The following NPEPPS variants were observed in gnomAD, a reference collection of about 807,000 sequenced individuals.
NPEPPS encodes the protein puromycin-sensitive aminopeptidase.
NPEPPS carries 14 observed loss-of-function variants against 115.5 expected under a neutral mutation model. That is an observed-to-expected ratio of 0.12 (90% CI 0.08 to 0.19). The LOEUF is 0.19. Among genes scored for constraint, NPEPPS ranks in the 10% least tolerant of loss-of-function variants. The probability of loss-of-function intolerance (pLI) is 1.00; values close to 1 mark genes in which losing one functional copy is unlikely to be tolerated. For missense variants in NPEPPS, 523 were observed against 1,110.8 expected (o/e 0.47, Z 7.52); for synonymous variants, 285 against 390.6 (o/e 0.73, Z 3.19).
intron 2 of NPEPPS, among the ~76,000 whole-genome samples, chr17:47,556,980 T>G (rs1158918887): frequency 6.6e-6 from 1 of 152,154 alleles, no homozygotes; most frequent in Non-Finnish European, 1.5e-5. Context: ...TTTTTCAGTT[T>G]TCTTGCTTTT....
At chr17:47,549,130 G>A (rs1468479781) in intron 2 of NPEPPS, among the ~76,000 whole-genome samples, 3 of 151,118 alleles carry the variant, frequency 2.0e-5, no homozygotes, top group Non-Finnish European at 1.5e-5. Context: ...GGATCATGAC[G>A]TCAGAAGTTC....
intron 21 of NPEPPS, 69 bp from the exon 22 acceptor site, chr17:47,619,668 T>G (rs1914420597): frequency 1.6e-6 from 2 of 1,264,322 alleles, no homozygotes; most frequent in East Asian, 4.6e-5. Flanking sequence ...ATGATTTATT[T>G]TTAGGGTAAA....
At chr17:47,581,308 A>G (rs569130267) in intron 4 of NPEPPS, 6 of 152,258 alleles carry the variant, frequency 3.9e-5, no homozygotes, top group South Asian at 2.1e-4. Context: ...GGTGAACCCT[A>G]TTGATTTTTA....
chr17:47,599,824 T>C (rs1913082279), intron 14 of NPEPPS, 85 bp downstream of exon 14: 2 of 1,207,780 alleles, frequency 1.7e-6, no homozygotes, highest in Non-Finnish European at 2.3e-6. Flanking sequence ...TAGGAAATTT[T>C]TCTTTTTTTT....
At chr17:47,604,144 G>A (rs1913389960) in intron 16 of NPEPPS, 95 bp downstream of exon 16, 8 of 1,224,020 alleles carry the variant, frequency 6.5e-6, no homozygotes, top group Non-Finnish European at 9.1e-6. Flanking sequence ...AAGAATATGG[G>A]TCTTCATGAT....
intron 3 of NPEPPS, among the ~76,000 whole-genome samples, chr17:47,578,562 C>T (rs1161424120): frequency 1.3e-5 from 2 of 151,970 alleles, no homozygotes; most frequent in Non-Finnish European, 2.9e-5. Context: ...TATATGAACT[C>T]AAAAAAGCTC....
At chr17:47,536,454 A>G (rs1908276686) in intron 1 of NPEPPS, among the ~76,000 whole-genome samples, 1 of 135,030 alleles carries the variant, frequency 7.4e-6, no homozygotes. Flanking sequence ...GTGCAGTGGC[A>G]TGATCTCGGC....
At chr17:47,540,963 G>GAA in intron 1 of NPEPPS, among the ~76,000 whole-genome samples, 1 of 149,600 alleles carries the variant, frequency 6.7e-6, no homozygotes, top group Admixed American at 6.7e-5. Flanking sequence ...TAGTATCCTG[G>GAA]AAAAAAAAAA....
chr17:47,546,073 T>TGTGTGTGTGAGA (rs148357525), intron 2 of NPEPPS, 80 bp downstream of exon 2: 249 of 1,265,406 alleles, frequency 2.0e-4, no homozygotes, highest in South Asian at 1.8e-3. Flanking sequence ...TGTGTGTGTG[T>TGTGTGTGTGAGA]GAGAGAGAGA....
At chr17:47,538,021 G>A (rs1908434269) in intron 1 of NPEPPS, among the ~76,000 whole-genome samples, 1 of 150,572 alleles carries the variant, frequency 6.6e-6, no homozygotes, top group Admixed American at 6.7e-5. Flanking sequence ...AGCCTCCCTA[G>A]TAGCTGGGAT....
chr17:47,524,134 C>A (rs1461184478), intron 1 of NPEPPS, among the ~76,000 whole-genome samples: 1 of 151,614 alleles, frequency 6.6e-6, no homozygotes, highest in Non-Finnish European at 1.5e-5. Flanking sequence ...GGTGAAACCC[C>A]CTCTCTACTA....
intron 1 of NPEPPS, among the ~76,000 whole-genome samples, chr17:47,539,076 C>T (rs1300168592): frequency 6.7e-6 from 1 of 148,646 alleles, no homozygotes; most frequent in Non-Finnish European, 1.5e-5. Context: ...CTTTGTATCA[C>T]CTATTTTGGC....
intron 5 of NPEPPS, among the ~76,000 whole-genome samples, chr17:47,585,040 G>T (rs1912101266): frequency 6.6e-6 from 1 of 152,068 alleles, no homozygotes. Context: ...TGTTAGCCAG[G>T]ATGGTCTTGA....
rs1251406255 is a variant in NPEPPS, at chr17:47,570,077, A to G, written c.418+583A>G. On this transcript the variant is annotated intron_variant, in intron 3 of 22. Coordinates refer to ENST00000322157, the MANE Select transcript of NPEPPS (RefSeq NM_006310.4). ...AAAAACAGGACAAAAACTAAAGATC[A>G]TTCTATCCTAGAATGTAATGTATTG... Among the ~76,000 whole-genome samples the G allele has an allele frequency of 3.9e-5, 6 of 152,242 alleles. No homozygotes were observed. In the East Asian group the frequency reaches 7.7e-4, roughly 20 times the overall value.
At chr17:47,590,248 G>A (rs550794888) in intron 9 of NPEPPS, among the ~76,000 whole-genome samples, 14 of 152,164 alleles carry the variant, frequency 9.2e-5, no homozygotes, top group South Asian at 6.2e-4. Context: ...TTTAGCCCAG[G>A]CATGGTGGCT....
chr17:47,590,991 G>A (rs1259487658), intron 10 of NPEPPS, 110 bp downstream of exon 10: 15 of 1,434,910 alleles, frequency 1.0e-5, no homozygotes, highest in African/African-American at 1.4e-5. Context: ...AATAGCATGG[G>A]TGATTTTACT....
chr17:47,575,187 C>A (rs1204597002), intron 3 of NPEPPS, among the ~76,000 whole-genome samples: 3 of 152,196 alleles, frequency 2.0e-5, no homozygotes, highest in Non-Finnish European at 4.4e-5. Flanking sequence ...CAGCTCCATT[C>A]CTCAACAGAA....
At chr17:47,532,547 G>A (rs537533624) in intron 1 of NPEPPS, among the ~76,000 whole-genome samples, 7 of 151,664 alleles carry the variant, frequency 4.6e-5, no homozygotes, top group African/African-American at 1.7e-4. Flanking sequence ...TCAGCTACTC[G>A]GGGGCTAAGG....
At chr17:47,564,908 AGTAAAT>A (rs1910702447) in intron 2 of NPEPPS, among the ~76,000 whole-genome samples, 1 of 152,018 alleles carries the variant, frequency 6.6e-6, no homozygotes, top group Non-Finnish European at 1.5e-5. Context: ...ACATAACATT[AGTAAAT>A]GTGATTTTTC....
Sources: allele counts gnomAD v4.1 joint callset (sites outside exome capture counted in the v4.1 genomes callset), GRCh38; gene constraint gnomAD v4.1.1; transcripts MANE v1.5; gene names NCBI Gene and HGNC (gene_info 2026-07-23, HGNC 2026-07-21).